Variants in COL26A1 observed in about 807,000 individuals in gnomAD.
The protein encoded by COL26A1 is collagen alpha-1(XXVI) chain.
In COL26A1, 41 loss-of-function variants were observed where a neutral mutation model predicts 59.3. The observed-to-expected ratio is 0.69, with a 90% CI of 0.54 to 0.90. COL26A1 has a LOEUF of 0.90. COL26A1 is among the 40% of genes least tolerant of loss of function. COL26A1 has a pLI of 0.00. For missense variants in COL26A1, 612 were observed against 602.3 expected, an observed-to-expected ratio of 1.02 and a Z score of -0.17; for synonymous variants, 266 against 256.0, an observed-to-expected ratio of 1.04 and a Z score of -0.37.
intron 3 of COL26A1, among the ~76,000 whole-genome samples, chr7:101,524,796 T>G (rs1795207354): frequency 6.6e-6 from 1 of 152,224 alleles, no homozygotes; most frequent in African/African-American, 2.4e-5. Flanking sequence ...CTTGCTAAAC[T>G]AGCTTAATAA....
chr7:101,524,694 T>C (rs908659124), intron 3 of COL26A1, among the ~76,000 whole-genome samples: 6 of 152,266 alleles, frequency 3.9e-5, no homozygotes, highest in Admixed American at 1.3e-4. Flanking sequence ...ATGATGCTTT[T>C]GTACATGGTA....
chr7:101,432,537 G>A lies in COL26A1; in HGVS notation c.281+12438G>A, dbSNP rs141861770. Among the ~76,000 whole-genome samples the A allele has an allele frequency of 4.6e-3, 697 of 152,288 alleles. 7 individuals are homozygous for A. The highest frequency in any genetic ancestry group is 0.015 in the African/African-American group (640 of 41,550). ...CACTGGGAGGATGTCAGGCATGAGA[G>A]GTGGGAGCCGGCAGCTGTGCTTTGG... On this transcript the variant is annotated intron_variant, in intron 2 of 12. Transcript: ENST00000313669.
chr7:101,433,624 C>T (rs1247486920), intron 2 of COL26A1, among the ~76,000 whole-genome samples: 1 of 152,018 alleles, frequency 6.6e-6, no homozygotes, highest in African/African-American at 2.4e-5. Flanking sequence ...TGCTTATAAA[C>T]CACTGAGAAT....
intron 3 of COL26A1, among the ~76,000 whole-genome samples, chr7:101,451,924 C>G (rs897170688): frequency 1.3e-5 from 2 of 152,064 alleles, no homozygotes; most frequent in Non-Finnish European, 2.9e-5. Flanking sequence ...CCAGGCTGGT[C>G]TCGAACTCCC....
intron 1 of COL26A1, among the ~76,000 whole-genome samples, chr7:101,410,525 T>C (rs187326215): frequency 1.4e-4 from 22 of 152,324 alleles, no homozygotes; most frequent in Admixed American, 3.9e-4. Context: ...GAAATGACTG[T>C]ACATGTAATC....
rs369731686 is a variant in COL26A1 at position 101,406,393 on chromosome 7, T to C, written c.159-13584T>C. Among the ~76,000 whole-genome samples the C allele has an allele frequency of 1.6e-4, 24 of 152,254 alleles. No individual in the cohort carries two copies. The East Asian group carries it at 4.1e-3, about 26-fold the overall frequency. On this transcript the variant is annotated intron_variant, in intron 1 of 12. Coordinates refer to ENST00000313669, the MANE Select transcript of COL26A1 (RefSeq NM_001278563.3). ...AACAAAACCACCACTCCCTGCGGTG[T>C]TGAGGCGGATGAGTGATGGACAGGA...
chr7:101,541,260 TG>T (rs1795611384), intron 5 of COL26A1, among the ~76,000 whole-genome samples: 1 of 152,222 alleles, frequency 6.6e-6, no homozygotes. Flanking sequence ...CACCTCTTTC[TG>T]GGGTTTGCTC....
intron 3 of COL26A1, among the ~76,000 whole-genome samples, chr7:101,504,289 C>T (rs1486444159): frequency 6.6e-6 from 1 of 152,058 alleles, no homozygotes; most frequent in Admixed American, 6.6e-5. Context: ...TTAGTAGAGA[C>T]GGGGTTTCAC....
chr7:101,443,256 C>T (rs568210475), intron 2 of COL26A1, among the ~76,000 whole-genome samples: 2 of 152,282 alleles, frequency 1.3e-5, no homozygotes, highest in Admixed American at 1.3e-4. Flanking sequence ...GCTGTGGGCA[C>T]CTCTCCTGGT....
intron 3 of COL26A1, among the ~76,000 whole-genome samples, chr7:101,459,800 C>A (rs1016585827): frequency 1.3e-5 from 2 of 152,096 alleles, no homozygotes; most frequent in African/African-American, 4.8e-5. Context: ...GGAAATGAAT[C>A]CCCTAGACTC....
chr7:101,527,999 C>T (rs1795285947), intron 3 of COL26A1, among the ~76,000 whole-genome samples: 2 of 152,216 alleles, frequency 1.3e-5, no homozygotes, highest in South Asian at 2.1e-4. Context: ...GCTTTAATTG[C>T]CTGTCGATGA....
chr7:101,420,237 A>G, intron 2 of COL26A1, 138 bp downstream of exon 2: 1 of 958,482 alleles, frequency 1.0e-6, no homozygotes, highest in South Asian at 1.5e-5. Flanking sequence ...CACCTTCTGT[A>G]TATAAGGCAT....
intron 3 of COL26A1, among the ~76,000 whole-genome samples, chr7:101,466,795 G>GT: frequency 8.0e-6 from 1 of 125,174 alleles, no homozygotes; most frequent in East Asian, 2.3e-4. Context: ...GGCATGTTCT[G>GT]GTGTGTGTGT....
At chr7:101,479,954 G>A (rs1484979099) in intron 3 of COL26A1, among the ~76,000 whole-genome samples, 10 of 151,942 alleles carry the variant, frequency 6.6e-5, no homozygotes, top group Admixed American at 6.6e-4. Flanking sequence ...ATAAATTATT[G>A]TTAACTATAA....
chr7:101,552,293 A>G (rs1281925898), intron 10 of COL26A1, among the ~76,000 whole-genome samples: 1 of 152,174 alleles, frequency 6.6e-6, no homozygotes, highest in Non-Finnish European at 1.5e-5. Context: ...AAGGCCACAC[A>G]GTAGTAGCTG....
intron 3 of COL26A1, among the ~76,000 whole-genome samples, chr7:101,482,783 C>A (rs1268948060): frequency 6.6e-6 from 1 of 152,156 alleles, no homozygotes; most frequent in Non-Finnish European, 1.5e-5. Context: ...ATGGTGAAAA[C>A]CTATCTCTAC....
intron 1 of COL26A1, among the ~76,000 whole-genome samples, chr7:101,392,792 T>C (rs1791763851): frequency 6.6e-6 from 1 of 151,988 alleles, no homozygotes; most frequent in Admixed American, 6.6e-5. Flanking sequence ...TGTGCCTCCC[T>C]CCACCGCATG....
At chr7:101,371,978 G>C (rs931471588) in intron 1 of COL26A1, among the ~76,000 whole-genome samples, 5 of 152,132 alleles carry the variant, frequency 3.3e-5, no homozygotes, top group Non-Finnish European at 5.9e-5. Flanking sequence ...CTGTAAAATG[G>C]GAATGACTTC....
chr7:101,532,871 C>T (rs537929648), intron 3 of COL26A1, among the ~76,000 whole-genome samples: 15 of 152,306 alleles, frequency 9.8e-5, no homozygotes, highest in African/African-American at 2.4e-4. Flanking sequence ...GTGTACTGCG[C>T]GTGCTCAGAA....
Sources: allele counts gnomAD v4.1 joint callset (sites outside exome capture counted in the v4.1 genomes callset), GRCh38; gene constraint gnomAD v4.1.1; transcripts MANE v1.5; gene names NCBI Gene and HGNC (gene_info 2026-07-23, HGNC 2026-07-21).